ARHGAP15: variants seen among roughly 807,000 people sequenced by gnomAD.
ARHGAP15 encodes the protein Rho GTPase activating protein 15.
Under a neutral mutation model 63.7 loss-of-function variants are expected in ARHGAP15, and 51 were observed. The ratio of observed to expected loss-of-function variants is 0.80; its 90% confidence interval spans 0.64 to 1.01. ARHGAP15 has a LOEUF of 1.01. Among genes scored for constraint, ARHGAP15 ranks in the 50% least tolerant of loss-of-function variants. The pLI, the probability that ARHGAP15 is intolerant of heterozygous loss-of-function variation, is 0.00. For synonymous variants in ARHGAP15, 191 were observed against 193.8 expected (o/e 0.99, Z 0.12); for missense variants, 560 against 564.6 (o/e 0.99, Z 0.08).
intron 12 of ARHGAP15, among the ~76,000 whole-genome samples, chr2:143,670,572 G>A (rs1207081710): frequency 6.6e-6 from 1 of 152,200 alleles, no homozygotes; most frequent in East Asian, 1.9e-4. Flanking sequence ...CTGGAGACCA[G>A]AAGCCTCTGT....
intron 6 of ARHGAP15, among the ~76,000 whole-genome samples, chr2:143,369,977 C>T (rs953054655): frequency 2.0e-5 from 3 of 152,102 alleles, no homozygotes; most frequent in African/African-American, 7.2e-5. Flanking sequence ...AACGCATGCT[C>T]ACTTCCACTG....
intron 6 of ARHGAP15, among the ~76,000 whole-genome samples, chr2:143,270,864 A>G (rs551533058): frequency 2.0e-5 from 3 of 152,196 alleles, no homozygotes; most frequent in South Asian, 4.1e-4. Flanking sequence ...CTTCATTCAG[A>G]AAATGTTAGA....
At chr2:143,312,835 C>T (rs539504946) in intron 6 of ARHGAP15, among the ~76,000 whole-genome samples, 1 of 152,214 alleles carries the variant, frequency 6.6e-6, no homozygotes, top group East Asian at 1.9e-4. Context: ...TTGTAGTTAA[C>T]AAATTAATAT....
chr2:143,767,925 C>G (rs1279994351), intron 13 of ARHGAP15, 64 bp from the exon 14 acceptor site: 11 of 1,499,394 alleles, frequency 7.3e-6, no homozygotes, highest in Non-Finnish European at 1.0e-5. Flanking sequence ...TTTAATCACT[C>G]CAAAGTAGCC....
intron 10 of ARHGAP15, among the ~76,000 whole-genome samples, chr2:143,539,630 A>T (rs878912592): frequency 2.0e-5 from 3 of 152,058 alleles, no homozygotes; most frequent in African/African-American, 4.8e-5. Context: ...CCTTCATTTC[A>T]TTAGGTACCC....
At chr2:143,685,176 G>A (rs891941233) in intron 12 of ARHGAP15, among the ~76,000 whole-genome samples, 1 of 151,678 alleles carries the variant, frequency 6.6e-6, no homozygotes, top group Non-Finnish European at 1.5e-5. Flanking sequence ...GGGAGAGGGG[G>A]GTGGGCTTGT....
chr2:143,540,516 G>T (rs938395726), intron 10 of ARHGAP15, among the ~76,000 whole-genome samples: 32 of 152,062 alleles, frequency 2.1e-4, no homozygotes, highest in Non-Finnish European at 4.3e-4. Context: ...GGGTGGTACC[G>T]GTTGTTTCTT....
At chr2:143,154,534 A>G (rs757073096) in intron 1 of ARHGAP15, among the ~76,000 whole-genome samples, 9 of 151,904 alleles carry the variant, frequency 5.9e-5, no homozygotes, top group Non-Finnish European at 1.0e-4. Flanking sequence ...TAGGATGTCT[A>G]TTAGGTTAGA....
intron 12 of ARHGAP15, among the ~76,000 whole-genome samples, 167 bp from the exon 13 acceptor site, chr2:143,703,252 A>G (rs1684171575): frequency 6.6e-6 from 1 of 152,200 alleles, no homozygotes; most frequent in Non-Finnish European, 1.5e-5. Flanking sequence ...CAAAATAAAA[A>G]GAAACTCCTT....
intron 5 of ARHGAP15, among the ~76,000 whole-genome samples, chr2:143,240,944 C>T (rs985333346): frequency 2.0e-5 from 3 of 152,004 alleles, no homozygotes; most frequent in African/African-American, 7.2e-5. Flanking sequence ...ATGAAATTGA[C>T]AGGATTCTTT....
intron 8 of ARHGAP15, among the ~76,000 whole-genome samples, chr2:143,461,968 C>CA (rs1446359037): frequency 6.6e-6 from 1 of 152,022 alleles, no homozygotes; most frequent in African/African-American, 2.4e-5. Context: ...GCCTGGGCAA[C>CA]ATGGCAAAAC....
intron 2 of ARHGAP15, among the ~76,000 whole-genome samples, chr2:143,177,267 C>T (rs1046453855): frequency 2.6e-5 from 4 of 152,056 alleles, no homozygotes; most frequent in African/African-American, 4.8e-5. Flanking sequence ...AGATGAGAGC[C>T]GGCTGTTCAC....
chr2:143,743,254 A>G (rs1482792556), intron 13 of ARHGAP15, among the ~76,000 whole-genome samples: 1 of 152,208 alleles, frequency 6.6e-6, no homozygotes, highest in Non-Finnish European at 1.5e-5. Context: ...AATGGGAATA[A>G]TAGTACCTGT....
At chr2:143,594,455 C>A (rs1334236141) in intron 11 of ARHGAP15, among the ~76,000 whole-genome samples, 1 of 152,098 alleles carries the variant, frequency 6.6e-6, no homozygotes, top group Non-Finnish European at 1.5e-5. Context: ...TTGGTATGGT[C>A]TTTTTATTGG....
chr2:143,686,890 C>T (rs1683377040), intron 12 of ARHGAP15, among the ~76,000 whole-genome samples: 1 of 152,180 alleles, frequency 6.6e-6, no homozygotes. Context: ...CTTCTGCATT[C>T]AAAATATTTA....
At chr2:143,751,857 G>T (rs1295932170) in intron 13 of ARHGAP15, among the ~76,000 whole-genome samples, 2 of 152,088 alleles carry the variant, frequency 1.3e-5, no homozygotes, top group African/African-American at 4.8e-5. Context: ...CCTTGCCTCC[G>T]CCCTTTGATC....
chr2:143,556,955 C>T (rs1405112189), intron 11 of ARHGAP15, among the ~76,000 whole-genome samples: 1 of 152,018 alleles, frequency 6.6e-6, no homozygotes, highest in Non-Finnish European at 1.5e-5. Context: ...CAATGAGATA[C>T]CACTACACAC....
intron 11 of ARHGAP15, among the ~76,000 whole-genome samples, chr2:143,590,289 A>G (rs188303651): frequency 1.3e-5 from 2 of 152,332 alleles, no homozygotes; most frequent in Admixed American, 1.3e-4. Flanking sequence ...GCTCAGAAAC[A>G]CTTAGCATAC....
intron 10 of ARHGAP15, among the ~76,000 whole-genome samples, chr2:143,533,560 G>T (rs570591210): frequency 6.6e-6 from 1 of 152,162 alleles, no homozygotes; most frequent in African/African-American, 2.4e-5. Context: ...GTTTTAAAAG[G>T]TATCAATAAT....
Sources: allele counts gnomAD v4.1 joint callset (sites outside exome capture counted in the v4.1 genomes callset), GRCh38; gene constraint gnomAD v4.1.1; transcripts MANE v1.5; gene names NCBI Gene and HGNC (gene_info 2026-07-23, HGNC 2026-07-21).